The following RAD51B variants were observed in gnomAD, a reference collection of about 807,000 sequenced individuals.
The protein encoded by RAD51B is RAD51 paralog B, also known as DNA repair protein RAD51 homolog 2.
A neutral mutation model predicts 42.2 loss-of-function variants in RAD51B; 38 were observed. The ratio of observed to expected loss-of-function variants is 0.90; its 90% CI spans 0.70 to 1.18. The LOEUF (loss-of-function observed/expected upper bound fraction) is 1.18. RAD51B is among the 50% of genes most tolerant of loss of function. The pLI, the probability that RAD51B is intolerant of heterozygous loss-of-function variation, is 0.00. For missense variants in RAD51B, 373 were observed against 400.7 expected, an observed-to-expected ratio of 0.93 and a Z score of 0.59; for synonymous variants, 154 against 145.2, an observed-to-expected ratio of 1.06 and a Z score of -0.43.
At chr14:68,158,087 A>G (rs995110207) in intron 7 of RAD51B, among the ~76,000 whole-genome samples, 3 of 152,124 alleles carry the variant, frequency 2.0e-5, no homozygotes, top group Admixed American at 2.0e-4. Flanking sequence ...AGCTTGTGGC[A>G]GACTATTCTC....
chr14:68,063,171 T>C (rs572022157), intron 7 of RAD51B, among the ~76,000 whole-genome samples: 3 of 152,306 alleles, frequency 2.0e-5, no homozygotes, highest in African/African-American at 7.2e-5. Context: ...GTTTATCTTT[T>C]TGAAAATGCA....
At chr14:68,383,766 T>C (rs1243541870) in intron 8 of RAD51B, among the ~76,000 whole-genome samples, 1 of 152,214 alleles carries the variant, frequency 6.6e-6, no homozygotes, top group African/African-American at 2.4e-5. Context: ...TGCCCTGCGT[T>C]ATCAGAGTTA....
chr14:68,091,336 T>G (rs1452111934), intron 7 of RAD51B, among the ~76,000 whole-genome samples: 2 of 152,178 alleles, frequency 1.3e-5, no homozygotes, highest in Non-Finnish European at 2.9e-5. Context: ...AAAGTGTTCC[T>G]TTTTCTCCAT....
intron 8 of RAD51B, among the ~76,000 whole-genome samples, chr14:68,329,770 A>G (rs1211389164): frequency 6.6e-6 from 1 of 152,166 alleles, no homozygotes; most frequent in Non-Finnish European, 1.5e-5. Context: ...TCACGAGGTC[A>G]GGAGATCGAG....
intron 8 of RAD51B, among the ~76,000 whole-genome samples, chr14:68,298,023 G>A (rs2081647386): frequency 1.3e-5 from 2 of 152,214 alleles, no homozygotes; most frequent in Admixed American, 6.5e-5. Context: ...AAGGGCACAC[G>A]CCGGCCAGTG....
intron 10 of RAD51B, among the ~76,000 whole-genome samples, chr14:68,617,917 G>A (rs1206729585): frequency 6.6e-6 from 1 of 152,176 alleles, no homozygotes; most frequent in Non-Finnish European, 1.5e-5. Context: ...GATACAGGGG[G>A]AGGGTAAATC....
intron 10 of RAD51B, among the ~76,000 whole-genome samples, chr14:68,587,484 T>C (rs1317076433): frequency 2.6e-5 from 4 of 151,994 alleles, no homozygotes; most frequent in Non-Finnish European, 5.9e-5. Flanking sequence ...GCCCCTTGCT[T>C]TCTTGCTTGC....
At chr14:68,160,050 T>TA (rs971475318) in intron 7 of RAD51B, among the ~76,000 whole-genome samples, 52 of 145,604 alleles carry the variant, frequency 3.6e-4, no homozygotes, top group Admixed American at 1.0e-3. Flanking sequence ...CTCCTATTAT[T>TA]AAAAAAAAAA....
intron 10 of RAD51B, among the ~76,000 whole-genome samples, chr14:68,583,083 G>C (rs991887088): frequency 2.6e-5 from 4 of 152,226 alleles, no homozygotes; most frequent in Admixed American, 1.3e-4. Context: ...AAACAACCAT[G>C]GCATGTGTAT....
chr14:67,839,366 G>A (rs925346158), intron 4 of RAD51B, among the ~76,000 whole-genome samples: 2 of 151,826 alleles, frequency 1.3e-5, no homozygotes, highest in African/African-American at 4.8e-5. Flanking sequence ...ATGATTATAG[G>A]ACTACTCAGA....
At chr14:68,207,930 A>G (rs1398777502) in intron 7 of RAD51B, among the ~76,000 whole-genome samples, 1 of 152,118 alleles carries the variant, frequency 6.6e-6, no homozygotes, top group African/African-American at 2.4e-5. Flanking sequence ...ATTTACATTT[A>G]GCTTTTCTTA....
At chr14:68,302,695 T>C (rs2081770357) in intron 8 of RAD51B, among the ~76,000 whole-genome samples, 1 of 152,218 alleles carries the variant, frequency 6.6e-6, no homozygotes, top group South Asian at 2.1e-4. Context: ...ATTGTTTCTA[T>C]AGATATTAAA....
In RAD51B at chr14:68,186,566, A is replaced by G. The variant is rs371589986; in HGVS notation, c.757-105318A>G. 1.1e-4 allele frequency among the ~76,000 whole-genome samples: 16 copies of G among 152,350 alleles called. No individual in the cohort carries two copies. In the South Asian group the frequency reaches 3.3e-3, roughly 32 times the overall value. The stretch of plus-strand genomic sequence containing the variant: ...AAAGATGGGCAAAAGACATGAGAAG[A>G]CACTTCTCAAAAGAAGACATACAAG... On this transcript the variant is annotated intron_variant, in intron 7 of 10. Transcript: ENST00000471583.
At position 68,488,040 on chromosome 14, in the gene RAD51B, G is replaced by A. The variant is rs923160570; in HGVS notation, c.1036+19790G>A. ...ATGCAGTTTGAGAATTGCTAAGCTA[G>A]GTGGGGAGGGTGCATGAGACAGGAA... On this transcript the variant is annotated intron_variant, in intron 10 of 10. Coordinates refer to the RAD51B transcript ENST00000487270. 2.6e-5 allele frequency among the ~76,000 whole-genome samples: 4 copies of A among 152,066 alleles called. No homozygotes were observed. In the East Asian group the frequency reaches 7.7e-4, roughly 29 times the overall value.
At chr14:68,051,679 A>G (rs1330107024) in intron 7 of RAD51B, among the ~76,000 whole-genome samples, 1 of 151,692 alleles carries the variant, frequency 6.6e-6, no homozygotes, top group African/African-American at 2.4e-5. Context: ...GCTCACTGTA[A>G]CCTCAGACTC....
chr14:68,236,529 CCAT>C (rs2080262650), intron 7 of RAD51B: 1 of 152,290 alleles, frequency 6.6e-6, no homozygotes, highest in Admixed American at 6.5e-5. Context: ...GGTGCCACCA[CCAT>C]GCCTGGTGAG....
intron 7 of RAD51B, among the ~76,000 whole-genome samples, chr14:68,158,180 A>T (rs2078557345): frequency 6.6e-6 from 1 of 152,188 alleles, no homozygotes; most frequent in Non-Finnish European, 1.5e-5. Flanking sequence ...CTCAATGAAC[A>T]GGAACCATTG....
chr14:67,835,454 A>G (rs1283015580), intron 4 of RAD51B, among the ~76,000 whole-genome samples: 1 of 152,030 alleles, frequency 6.6e-6, no homozygotes, highest in Non-Finnish European at 1.5e-5. Flanking sequence ...AGTGATAAAT[A>G]TTGCTGGGTG....
At chr14:68,665,727 T>C (rs1452740379) in intron 11 of RAD51B, among the ~76,000 whole-genome samples, 5 of 152,220 alleles carry the variant, frequency 3.3e-5, no homozygotes, top group Admixed American at 6.5e-5. Context: ...GGCTAGATTA[T>C]GAATGTTTAA....
Sources: gnomAD v4.1 joint callset for allele counts (sites outside exome capture counted in the v4.1 genomes callset) on GRCh38, gnomAD v4.1.1 for gene constraint, MANE v1.5 for transcripts, NCBI Gene and HGNC (gene_info 2026-07-23, HGNC 2026-07-21) for gene names.